Variants in ZNF221 observed in about 807,000 individuals in gnomAD.
ZNF221 encodes zinc finger protein 221.
Under a neutral mutation model 12.6 loss-of-function variants are expected in ZNF221, and 10 were observed. The ratio of observed to expected loss-of-function variants is 0.79; its 90% CI spans 0.49 to 1.34. The LOEUF (loss-of-function observed/expected upper bound fraction) is 1.34. Among genes scored for constraint, ZNF221 ranks in the 40% most tolerant of loss-of-function variants. The pLI, the probability that ZNF221 is intolerant of heterozygous loss-of-function variation, is 0.00. For synonymous variants in ZNF221, 232 were observed against 244.0 expected, an observed-to-expected ratio of 0.95 and a Z score of 0.46; for missense variants, 661 against 721.4, an observed-to-expected ratio of 0.92 and a Z score of 0.96.
chr19:43,980,742 C>T, the ZNF221 span, among the ~76,000 whole-genome samples: 2 of 152,142 alleles, frequency 1.3e-5, no homozygotes, highest in African/African-American at 4.8e-5. Context: ...CAAAAAATAG[C>T]GTCACAACGC....
chr19:43,955,016 A>G (rs1974733360), intron 1 of ZNF221, among the ~76,000 whole-genome samples: 1 of 151,652 alleles, frequency 6.6e-6, no homozygotes, highest in Non-Finnish European at 1.5e-5. Flanking sequence ...TGCCTGTTCC[A>G]CTTCCCTATC....
rs1436962911 is a variant in ZNF221, at chr19:43,966,222, T to G, written c.720T>G (p.His240Gln). The G allele has an allele frequency of 1.2e-6, 2 of 1,614,186 alleles. No individual in the cohort carries two copies. Among genetic ancestry groups the G allele is most frequent in the Admixed American group, 3.3e-5 (2 of 60,024 alleles). Residue 240 changes from histidine to glutamine, a missense_variant, in exon 5 of 5, where the codon CAT (histidine) becomes CAG (glutamine). His to Gln is a conservative substitution (Grantham distance 24). Coordinates refer to ENST00000587682, the MANE Select transcript of ZNF221 (RefSeq NM_001297588.2). ...VCGKEFNQSS[H>Q]LQTHQRVHTG... Reference sequence around the variant, plus strand: ...GTAAGGAATTTAATCAGAGCTCACATCTGCAAACTCATCAGAGAGTCCATA... The same window carrying G: ...GTAAGGAATTTAATCAGAGCTCACAGCTGCAAACTCATCAGAGAGTCCATA...
chr19:43,968,245 A>G (rs1975019065), downstream of ZNF221, among the ~76,000 whole-genome samples: 1 of 152,188 alleles, frequency 6.6e-6, no homozygotes, highest in Non-Finnish European at 1.5e-5. Flanking sequence ...GTAGCACAGA[A>G]CCTTTGTAAT....
the ZNF221 span, among the ~76,000 whole-genome samples, chr19:43,980,835 AT>A: frequency 3.6e-3 from 550 of 152,284 alleles, 5 homozygotes; most frequent in African/African-American, 0.013. Context: ...ACCTGAAAAC[AT>A]TTTGACTCAT....
Position 43,966,597 on chromosome 19 carries a change from A to G in ZNF221, c.1095A>G (p.Pro365=), listed in dbSNP as rs1324433251. 7 of 1,614,096 alleles carry G rather than the reference A, an allele frequency of 4.3e-6. No individual in the cohort carries two copies. Among genetic ancestry groups the G allele is most frequent in the Non-Finnish European group, 5.9e-6 (7 of 1,180,042 alleles). ...SHSMVHIEEK[P]YKCEQCGKGF... ...CCATGGTCCACATAGAAGAGAAGCC[A>G]TACAAATGTGAGCAATGTGGAAAAG... The change falls in exon 5 of 5, where the codon CCA becomes CCG. Residue 365 remains proline (P), a synonymous_variant. Transcript: ENST00000587682.
At position 43,962,773 on chromosome 19, in the gene ZNF221, T is replaced by A. The variant is rs750167618; in HGVS notation, c.47T>A (p.Phe16Tyr). 8 of 1,613,966 alleles carry A rather than the reference T, an allele frequency of 5.0e-6. No homozygotes were observed. Among genetic ancestry groups the A allele is most frequent in the Non-Finnish European group, 5.1e-6 (6 of 1,179,900 alleles). The change falls in exon 2 of 5, where the codon TTC becomes TAC. Residue 16 changes from phenylalanine (F) to tyrosine (Y), a missense_variant. Transcript: ENST00000587682. ...CTGCTTCATTCAGGACTCTGCAAAT[T>A]CCCTGAAGTAGAAGGAAAAATGACC... ...LELLHSGLCKFPEVEGKMTTF... is the reference protein window; with the variant it reads ...LELLHSGLCKYPEVEGKMTTF...
At chr19:43,977,174 T>G in the ZNF221 span, 1 of 152,198 alleles carries the variant, frequency 6.6e-6, no homozygotes, top group Non-Finnish European at 1.5e-5. Context: ...TGTATGTACA[T>G]CATTTGTGGA....
chr19:43,979,188 A>G, the ZNF221 span, among the ~76,000 whole-genome samples: 17,095 of 151,998 alleles, frequency 0.11, 1,021 homozygotes, highest in East Asian at 0.14. Context: ...TTACAAAACT[A>G]GGAACACACT....
At chr19:43,963,981 C>T (rs975440432) in intron 2 of ZNF221, among the ~76,000 whole-genome samples, 3 of 152,056 alleles carry the variant, frequency 2.0e-5, no homozygotes, top group Non-Finnish European at 4.4e-5. Context: ...TGTTTATTGA[C>T]ATTCTCATTT....
In ZNF221 at chr19:43,965,325, G is replaced by T. The variant is rs572396053; in HGVS notation, c.301G>T (p.Gly101Ter). The part of the protein sequence containing the change: ...KTTSQREGNS[G>*]GKIQIEMETV... ...AACAAGCCAAAGAGAAGGGAATTCA[G>T]GTAAGAACCAAGTAACTGTGCATCC... is the stretch of plus-strand genomic sequence containing the variant. The change falls in exon 4 of 5, where the codon GGA (glycine) becomes TGA (stop). Residue 101 changes from glycine (G) to a stop codon, truncating the protein, a stop_gained and splice_region_variant. Coordinates refer to ENST00000587682, the MANE Select transcript of ZNF221 (RefSeq NM_001297588.2). LOFTEE classifies it low-confidence loss of function (END_TRUNC). The T allele has an allele frequency of 1.1e-5, 17 of 1,611,126 alleles. No homozygotes were observed. In the East Asian group the frequency reaches 3.6e-4, roughly 34 times the overall value.
intron 1 of ZNF221, among the ~76,000 whole-genome samples, chr19:43,953,750 A>G (rs1034820030): frequency 6.6e-6 from 1 of 152,178 alleles, no homozygotes; most frequent in African/African-American, 2.4e-5. Flanking sequence ...ATCACCGTAC[A>G]TACCCATCTT....
chr19:43,973,713 C>A, the ZNF221 span, among the ~76,000 whole-genome samples: 1 of 152,158 alleles, frequency 6.6e-6, no homozygotes, highest in Non-Finnish European at 1.5e-5. Flanking sequence ...AGGACCCCTT[C>A]AAGGAGAACT....
intron 2 of ZNF221, 58 bp from the exon 3 acceptor site, chr19:43,964,892 C>G: frequency 1.2e-6 from 2 of 1,611,300 alleles, no homozygotes; most frequent in Admixed American, 3.3e-5. Flanking sequence ...CTTAGTGCCA[C>G]CCTTCTTTGA....
intron 3 of ZNF221, 78 bp downstream of exon 3, chr19:43,965,154 G>A (rs1473727255): frequency 6.3e-7 from 1 of 1,597,772 alleles, no homozygotes; most frequent in Admixed American, 1.7e-5. Flanking sequence ...TATGCATTGG[G>A]AACCTAAATT....
chr19:43,979,460 G>C, the ZNF221 span, among the ~76,000 whole-genome samples: 1 of 149,374 alleles, frequency 6.7e-6, no homozygotes, highest in Non-Finnish European at 1.5e-5. Flanking sequence ...GCATTTTGTA[G>C]ATATTTAGCC....
At chr19:43,960,737 C>G (rs1389900210) in intron 1 of ZNF221, among the ~76,000 whole-genome samples, 1 of 152,330 alleles carries the variant, frequency 6.6e-6, no homozygotes, top group Non-Finnish European at 1.5e-5. Context: ...AGGGTTCAAG[C>G]CTTGATAGTT....
rs754336485 is a variant in ZNF221, at chr19:43,965,986, A to G, written c.484A>G (p.Ile162Val). The G allele has an allele frequency of 7.4e-6, 12 of 1,614,136 alleles. No individual in the cohort carries two copies. The Admixed American group carries it at 1.3e-4, about 18-fold the overall frequency. ...CTGCCAGATTGAGGCAAGACTATCTATAAGTCACGTGCAACAGAAACCTTA... is the reference window on the plus strand; with the variant it reads ...CTGCCAGATTGAGGCAAGACTATCTGTAAGTCACGTGCAACAGAAACCTTA... ...VPCQIEARLSISHVQQKPYRC... is the reference protein window; with the variant it reads ...VPCQIEARLSVSHVQQKPYRC... Residue 162 changes from isoleucine (I) to valine (V), a missense_variant, in exon 5 of 5, where the codon ATA becomes GTA. Transcript: ENST00000587682.
In ZNF221 at chr19:43,959,516, G is replaced by A. The variant is rs438174; in HGVS notation, c.-2-3209G>A. ...GGTGTTGGATCCTGGGGGTGGGTCC[G>A]TCATAAATGGCTTAGTGCTATCCCC... On this transcript the variant is annotated intron_variant, in intron 1 of 4. Coordinates refer to ENST00000587682, the MANE Select transcript of ZNF221 (RefSeq NM_001297588.2). Among the ~76,000 whole-genome samples the A allele has an allele frequency of 1.5e-3, 225 of 152,164 alleles. 1 individual carries two copies. The highest frequency in any genetic ancestry group is 4.5e-3 in the African/African-American group (188 of 41,466).
intron 3 of ZNF221, 58 bp downstream of exon 3, chr19:43,965,134 CA>C: frequency 6.2e-7 from 1 of 1,604,546 alleles, no homozygotes; most frequent in Non-Finnish European, 8.5e-7. Context: ...CTTTGTATTC[CA>C]AGTTTGAGTA....
Sources: allele counts gnomAD v4.1 joint callset (sites outside exome capture counted in the v4.1 genomes callset), GRCh38; gene constraint gnomAD v4.1.1; transcripts MANE v1.5; gene names NCBI Gene and HGNC (gene_info 2026-07-23, HGNC 2026-07-21).